Variants in BRAP observed in about 807,000 individuals in gnomAD.
The protein encoded by BRAP is BRCA1 associated protein, also known as BRCA1-associated protein.
Under a neutral mutation model 73.4 loss-of-function variants are expected in BRAP, and 42 were observed. That is an observed-to-expected ratio of 0.57 (90% CI 0.45 to 0.74). The LOEUF (loss-of-function observed/expected upper bound fraction) is 0.74. Among genes scored for constraint, BRAP ranks in the 30% least tolerant of loss-of-function variants. The pLI, the probability that BRAP is intolerant of heterozygous loss-of-function variation, is 0.00. For missense variants in BRAP, 593 were observed against 751.4 expected (o/e 0.79, Z 2.46); for synonymous variants, 255 against 267.4 (o/e 0.95, Z 0.45).
At chr12:111,669,472 T>C (rs1346906869) in intron 5 of BRAP, among the ~76,000 whole-genome samples, 6 of 152,010 alleles carry the variant, frequency 3.9e-5, no homozygotes, top group African/African-American at 1.4e-4. Context: ...GTGATCCGCC[T>C]GCCTTCGCCT....
In BRAP at chr12:111,667,698, CAAAAAA is replaced by C. The variant is rs565349424; in HGVS notation, c.748-1917_748-1912del. Among the ~76,000 whole-genome samples, 36 of 21,286 alleles carry C rather than the reference CAAAAAA, an allele frequency of 1.7e-3. 1 individual carries two copies. The highest frequency in any genetic ancestry group is 0.01 in the East Asian group (2 of 192). 14.0% of individuals were successfully genotyped at this position (21,286 alleles called of 152,430 possible). ...TGGGAGACAGAGTGAAACTCCGTCT[CAAAAAA>C]AAAAAAAAAAAAAAAAAGCTCATAC... On this transcript the variant is annotated intron_variant, in intron 5 of 11. Transcript: ENST00000419234.
At chr12:111,685,009 C>T (rs578166216) in intron 1 of BRAP, among the ~76,000 whole-genome samples, 2 of 152,240 alleles carry the variant, frequency 1.3e-5, no homozygotes, top group African/African-American at 4.8e-5. Context: ...ATCTGAGGAC[C>T]AAGGAACAGA....
rs770064989 is a variant in BRAP, at chr12:111,681,834, A to G, written c.246T>C (p.Asp82=). 6.2e-7 allele frequency: 1 copy of G among 1,602,308 alleles called. No homozygotes were observed. Among genetic ancestry groups the G allele is most frequent in the East Asian group, 2.2e-5 (1 of 44,756 alleles). ...TTTCTTCCACTGTAGTTTTTAGTTC[A>G]TCTTTCACCAGTTAAAAAATAGCAG... ...VIIETMKSNP[D]ELKTTVEERK... The change falls in exon 3 of 12, where the codon GAT becomes GAC. Residue 82 remains aspartate, a splice_region_variant and synonymous_variant. Coordinates refer to ENST00000419234, the MANE Select transcript of BRAP (RefSeq NM_006768.5).
rs770754015 is a variant in BRAP at position 111,644,253 on chromosome 12, C to T, written c.1725G>A (p.Ser575=). Residue 575 remains serine, a synonymous_variant, in exon 12 of 12, where the codon TCG becomes TCA. Coordinates refer to ENST00000419234, the MANE Select transcript of BRAP (RefSeq NM_006768.5). The part of the protein sequence containing the change: ...AMASASSPAS[S]GGSGKLPSRK... ...TGGAGGGCAACTTCCCACTGCCCCC[C>T]GAAGAGGCAGGGCTCGAGGCCGAGG... is the stretch of plus-strand genomic sequence containing the variant. The T allele has an allele frequency of 5.5e-5, 88 of 1,613,808 alleles. No homozygotes were observed. Among genetic ancestry groups the T allele is most frequent in the Admixed American group, 1.2e-4 (7 of 59,992 alleles).
intron 11 of BRAP, 76 bp downstream of exon 11, chr12:111,649,863 A>T: frequency 1.0e-6 from 1 of 997,810 alleles, no homozygotes; most frequent in Non-Finnish European, 1.5e-6. Flanking sequence ...TTTGAAAATG[A>T]GGGTGTTTCC....
intron 4 of BRAP, among the ~76,000 whole-genome samples, chr12:111,673,994 C>A (rs1566125741): frequency 6.6e-6 from 1 of 152,180 alleles, no homozygotes; most frequent in Non-Finnish European, 1.5e-5. Context: ...CCCATACGGG[C>A]ATTAATCCAA....
In BRAP at chr12:111,683,316, C is replaced by G. The variant is rs753954152; in HGVS notation, c.83-9G>C. ...ATCAGACATTTCCCCGGCTAAAGAA[C>G]ACATGAATGATTAATACAAGGTAAT... On this transcript the variant is annotated splice_polypyrimidine_tract_variant and intron_variant, in intron 1 of 11. Coordinates refer to ENST00000419234, the MANE Select transcript of BRAP (RefSeq NM_006768.5). 2.5e-6 allele frequency: 4 copies of G among 1,606,078 alleles called. No individual in the cohort carries two copies. The East Asian group carries it at 8.9e-5, about 36-fold the overall frequency.
At position 111,644,214 on chromosome 12, in the gene BRAP, G is replaced by A. The variant is rs761687722; in HGVS notation, c.1764C>T (p.Ser588=). The A allele has an allele frequency of 3.1e-6, 5 of 1,611,384 alleles. No homozygotes were observed. Among genetic ancestry groups the A allele is most frequent in the Non-Finnish European group, 4.2e-6 (5 of 1,179,726 alleles). Residue 588 remains serine (S), a synonymous_variant, in exon 12 of 12, where the codon AGC becomes AGT. Transcript: ENST00000419234. ...SGKLPSRKGR[S]KRGK ...GCTCTGAAGGTCACTTGCCCCTCTT[G>A]CTGCGGCCCTTCCTGGAGGGCAACT...
rs769558666 is a variant in BRAP, at chr12:111,650,031, C to T, written c.1323G>A (p.Met441Ile). The change falls in exon 11 of 12, where the codon ATG becomes ATA. Residue 441 changes from methionine (M) to isoleucine (I), a missense_variant. Met to Ile is a conservative substitution (Grantham distance 10). Coordinates refer to ENST00000419234, the MANE Select transcript of BRAP (RefSeq NM_006768.5). The stretch of plus-strand genomic sequence containing the variant: ...CAATTGTTTCTTTAAACTTGGTCTT[C>T]ATGTTGTTAATCTGAAAGAGCAAAG... ...EKDTAEEINN[M>I]KTKFKETIEK... 15 of 1,602,686 alleles carry T rather than the reference C, an allele frequency of 9.4e-6. No individual in the cohort carries two copies. Among genetic ancestry groups the T allele is most frequent in the African/African-American group, 1.3e-5 (1 of 74,650 alleles).
Position 111,655,650 on chromosome 12 carries a change from T to C in BRAP, c.1227A>G (p.Ser409=), listed in dbSNP as rs773649681. 1.2e-6 allele frequency: 2 copies of C among 1,608,296 alleles called. No individual in the cohort carries two copies. The highest frequency in any genetic ancestry group is 1.1e-5 in the South Asian group (1 of 90,958). Residue 409 remains serine (S), a synonymous_variant, in exon 10 of 12, where the codon TCA becomes TCG. Transcript: ENST00000419234. ...EKIDALQLEY[S]YLLTSQLESQ... is the part of the protein sequence containing the mutation. ...ATTCCAGCTGGCTTGTTAGTAAATA[T>C]GAATACTAGAAACATAGAGAATAAA...
rs1281956515 is a variant in BRAP at position 111,658,862 on chromosome 12, C to G, written c.1112-17G>C. ...CATAGTTATCTACAGAAAGAGTCAA[C>G]AAAAGTGTGTTTCTTTAGAATGAAA... On this transcript the variant is annotated splice_polypyrimidine_tract_variant and intron_variant, in intron 8 of 11. Coordinates refer to ENST00000419234, the MANE Select transcript of BRAP (RefSeq NM_006768.5). 1 of 1,572,638 alleles carries G rather than the reference C, an allele frequency of 6.4e-7. No homozygotes were observed. Among genetic ancestry groups the G allele is most frequent in the South Asian group, 1.1e-5 (1 of 88,764 alleles).
At chr12:111,676,054 A>T (rs76509230) in intron 4 of BRAP, among the ~76,000 whole-genome samples, 2,123 of 152,106 alleles carry the variant, frequency 0.014, 58 homozygotes, top group African/African-American at 0.048. Context: ...TTTAAAAAAA[A>T]TTTTTAAGAA....
chr12:111,678,637 A>G (rs1887475789), intron 4 of BRAP, among the ~76,000 whole-genome samples: 1 of 151,664 alleles, frequency 6.6e-6, no homozygotes, highest in Non-Finnish European at 1.5e-5. Flanking sequence ...AGCCTGGGCG[A>G]CAGAGCGAGA....
chr12:111,667,171 T>C (rs568862987), intron 5 of BRAP, among the ~76,000 whole-genome samples: 5 of 152,320 alleles, frequency 3.3e-5, no homozygotes, highest in East Asian at 1.9e-4. Context: ...TACATTTCCA[T>C]TGTTTTACTT....
intron 5 of BRAP, among the ~76,000 whole-genome samples, chr12:111,666,697 G>A (rs1886958852): frequency 6.6e-6 from 1 of 152,220 alleles, no homozygotes; most frequent in Admixed American, 6.5e-5. Context: ...TCCTAAGACA[G>A]TGCTTGACTT....
Position 111,672,780 on chromosome 12 carries a change from T to C in BRAP, c.634-6A>G. On this transcript the variant is annotated splice_polypyrimidine_tract_variant and splice_region_variant and intron_variant, in intron 4 of 11. Transcript: ENST00000419234. ...TAAAAACTATCCGCATCAGCCTATGTACACCAATGGGGAAAAGGAAAAAAA... is the reference window on the plus strand; with the variant it reads ...TAAAAACTATCCGCATCAGCCTATGCACACCAATGGGGAAAAGGAAAAAAA... The C allele has an allele frequency of 1.2e-6, 2 of 1,610,758 alleles. No individual in the cohort carries two copies. The highest frequency in any genetic ancestry group is 8.5e-7 in the Non-Finnish European group (1 of 1,178,378).
At chr12:111,648,557 AACTGAGATCGCTCC>A (rs1484084869) in intron 11 of BRAP, among the ~76,000 whole-genome samples, 1 of 141,886 alleles carries the variant, frequency 7.0e-6, no homozygotes, top group East Asian at 2.1e-4. Flanking sequence ...GGTTGCAGTG[AACTGAGATCGCTCC>A]ACTGTACTCC....
In BRAP at chr12:111,672,921, A is replaced by T. The variant is rs754170640; in HGVS notation, c.634-147T>A. 1.4e-4 allele frequency: 86 copies of T among 608,168 alleles called. 1 individual carries two copies. Among genetic ancestry groups the T allele is most frequent in the Non-Finnish European group, 2.1e-4 (75 of 350,288 alleles). The allele number at this position is 608,168 out of a possible 1,614,324, so 37.7% of individuals were successfully genotyped here. A position where few individuals can be genotyped will look rare whatever the true frequency, so the allele number is the denominator to read the frequency against. ...AGAGCAACCACCAAAAGTCACATCT[A>T]CTGAAGCTGATTGGTAGGCTAATCA... On this transcript the variant is annotated intron_variant, in intron 4 of 11. Coordinates refer to ENST00000419234, the MANE Select transcript of BRAP (RefSeq NM_006768.5).
chr12:111,667,966 T>C (rs551290769), intron 5 of BRAP, among the ~76,000 whole-genome samples: 3 of 152,198 alleles, frequency 2.0e-5, no homozygotes, highest in Admixed American at 1.3e-4. Context: ...CCCAGCACTT[T>C]GGGAGGCCAA....
Sources: allele counts gnomAD v4.1 joint callset (sites outside exome capture counted in the v4.1 genomes callset), GRCh38; gene constraint gnomAD v4.1.1; transcripts MANE v1.5; gene names NCBI Gene and HGNC (gene_info 2026-07-23, HGNC 2026-07-21).